Variants in SVIL observed in about 807,000 individuals in gnomAD.
SVIL encodes the protein supervillin.
In SVIL, 101 loss-of-function variants were observed where a neutral mutation model predicts 240.4. The ratio of observed to expected loss-of-function variants is 0.42; its 90% CI spans 0.36 to 0.50. SVIL has a LOEUF of 0.50. SVIL is among the 20% of genes least tolerant of loss of function. SVIL has a pLI of 0.01. For synonymous variants in SVIL, 999 were observed against 1,100.0 expected (o/e 0.91, Z 1.82); for missense variants, 2,512 against 2,818.7 (o/e 0.89, Z 2.46).
At chr10:29,617,600 GA>G (rs1399940700) in intron 1 of SVIL, among the ~76,000 whole-genome samples, 4 of 149,248 alleles carry the variant, frequency 2.7e-5, no homozygotes, top group South Asian at 2.1e-4. Context: ...AAGAAAGAAA[GA>G]AAAAAAAAGA....
intron 29 of SVIL, among the ~76,000 whole-genome samples, chr10:29,476,805 G>A (rs1276288017): frequency 6.6e-6 from 1 of 152,104 alleles, no homozygotes; most frequent in Non-Finnish European, 1.5e-5. Flanking sequence ...TTTTTCGTAT[G>A]TGTATTCATT....
intron 16 of SVIL, among the ~76,000 whole-genome samples, chr10:29,514,638 C>T (rs1323193865): frequency 6.6e-6 from 1 of 152,194 alleles, no homozygotes; most frequent in Non-Finnish European, 1.5e-5. Context: ...GCCTCAGCCT[C>T]CCAAAGTGCT....
intron 1 of SVIL, among the ~76,000 whole-genome samples, chr10:29,590,165 C>CAA (rs58469441): frequency 0.022 from 1,731 of 79,522 alleles, 101 homozygotes; most frequent in East Asian, 0.087. Flanking sequence ...GACTCCGTCT[C>CAA]AAAAAAAAAA....
intron 36 of SVIL, among the ~76,000 whole-genome samples, chr10:29,460,105 G>C (rs1416954287): frequency 6.6e-6 from 1 of 152,024 alleles, no homozygotes; most frequent in Non-Finnish European, 1.5e-5. Flanking sequence ...AAAAAGAAGA[G>C]GCGAATTTTG....
chr10:29,532,007 C>A lies in SVIL; in HGVS notation c.2004G>T (p.Ser668=). The A allele has an allele frequency of 6.2e-7, 1 of 1,614,166 alleles. No homozygotes were observed. The highest frequency in any genetic ancestry group is 2.2e-5 in the East Asian group (1 of 44,880). The change falls in exon 9 of 38, where the codon TCG becomes TCT. Residue 668 remains serine (S), a synonymous_variant. Transcript: ENST00000355867. ...CTGCGCATACGCATGCCTACCTATC[C>A]GATTCCTTTCGTTCTGCTGAAGTTA... ...QPITSAERKE[S]DRCTSHSETP...
chr10:29,687,960 C>T (rs1054788880), intron 1 of SVIL, among the ~76,000 whole-genome samples: 7 of 152,122 alleles, frequency 4.6e-5, no homozygotes, highest in Admixed American at 6.5e-5. Context: ...GCCCAATAAC[C>T]GCCCTAGTTC....
chr10:29,494,555 C>A (rs1309301743), intron 20 of SVIL, among the ~76,000 whole-genome samples: 1 of 152,140 alleles, frequency 6.6e-6, no homozygotes, highest in Non-Finnish European at 1.5e-5. Flanking sequence ...TTTTAGAAAT[C>A]ATTTGTGATT....
chr10:29,689,760 A>T (rs970822910), intron 1 of SVIL, among the ~76,000 whole-genome samples: 5 of 152,218 alleles, frequency 3.3e-5, no homozygotes, highest in African/African-American at 1.2e-4. Context: ...AGTCCCTCTT[A>T]AAAATCCATC....
rs115534606 is a variant in SVIL, at chr10:29,486,076, G to A, written c.4779+9C>T. ...TTTCTCACTGAAGGGCAGAGCCCAC[G>A]GACTGTACCTCTTTGGGTTGCAGAA... On this transcript the variant is annotated intron_variant, in intron 26 of 37. Transcript: ENST00000355867. 1.2e-3 allele frequency: 1,892 copies of A among 1,614,148 alleles called. 21 individuals are homozygous for A. In the African/African-American group the frequency reaches 0.022, roughly 18 times the overall value.
intron 5 of SVIL, among the ~76,000 whole-genome samples, chr10:29,552,038 C>T (rs1003150592): frequency 2.6e-5 from 4 of 151,660 alleles, no homozygotes; most frequent in Admixed American, 6.6e-5. Context: ...AGCTTCAGCC[C>T]AGGAGTTCAA....
At chr10:29,473,617 TACA>T (rs1945837645) in intron 30 of SVIL, 4 of 601,650 alleles carry the variant, frequency 6.6e-6, no homozygotes, top group Middle Eastern at 4.4e-4. Flanking sequence ...TATTTGCAGA[TACA>T]ACATTTTCTC....
At chr10:29,460,594 G>C (rs1054165532) in intron 36 of SVIL, among the ~76,000 whole-genome samples, 12 of 152,212 alleles carry the variant, frequency 7.9e-5, no homozygotes, top group African/African-American at 2.6e-4. Flanking sequence ...CCTTTCTCAG[G>C]AAACCAACCA....
intron 27 of SVIL, chr10:29,482,721 T>C (rs1947023517): frequency 6.6e-6 from 1 of 152,234 alleles, no homozygotes; most frequent in Non-Finnish European, 1.5e-5. Context: ...ATTTCAAAAT[T>C]TACACTGTCC....
At chr10:29,517,789 T>C (rs1043856571) in intron 16 of SVIL, among the ~76,000 whole-genome samples, 1 of 152,224 alleles carries the variant, frequency 6.6e-6, no homozygotes, top group Non-Finnish European at 1.5e-5. Context: ...TTCTTTTCAA[T>C]AGTCTTTTTC....
At chr10:29,622,025 C>G (rs893809414) in intron 1 of SVIL, among the ~76,000 whole-genome samples, 1 of 151,256 alleles carries the variant, frequency 6.6e-6, no homozygotes, top group Non-Finnish European at 1.5e-5. Context: ...CCGAGGCGGG[C>G]GGATCACGAG....
chr10:29,693,497 T>G (rs1254576802), intron 1 of SVIL, among the ~76,000 whole-genome samples: 1 of 152,138 alleles, frequency 6.6e-6, no homozygotes, highest in African/African-American at 2.4e-5. Context: ...AACTTTGCGT[T>G]GAAAGGGCAG....
chr10:29,677,331 C>T (rs892525371), intron 2 of SVIL, among the ~76,000 whole-genome samples: 5 of 152,116 alleles, frequency 3.3e-5, no homozygotes, highest in South Asian at 4.2e-4. Flanking sequence ...CATGTACAGG[C>T]GATATCCCCA....
chr10:29,672,835 T>A (rs1454019193), intron 2 of SVIL, among the ~76,000 whole-genome samples: 1 of 151,904 alleles, frequency 6.6e-6, no homozygotes, highest in African/African-American at 2.4e-5. Flanking sequence ...CTGGAAAAAA[T>A]TCCATATCTT....
rs374016269 is a variant in SVIL, at chr10:29,685,572, C to A, written c.-301+981G>T. Among the ~76,000 whole-genome samples the A allele has an allele frequency of 8.5e-5, 13 of 152,332 alleles. No homozygotes were observed. In the East Asian group the frequency reaches 1.7e-3, roughly 20 times the overall value. Reference sequence around the variant, plus strand: ...GCATTTCCTTTTCTCCACAACCTCGCCGGCATCTGTTATTTTCTGACTTTT... The same window carrying A: ...GCATTTCCTTTTCTCCACAACCTCGACGGCATCTGTTATTTTCTGACTTTT... On this transcript the variant is annotated intron_variant, in intron 2 of 35. Coordinates refer to the SVIL transcript ENST00000375400.
Sources: allele counts gnomAD v4.1 joint callset (sites outside exome capture counted in the v4.1 genomes callset), GRCh38; gene constraint gnomAD v4.1.1; transcripts MANE v1.5; gene names NCBI Gene and HGNC (gene_info 2026-07-23, HGNC 2026-07-21).